LTN1: variants seen among roughly 807,000 people sequenced by gnomAD.
LTN1 encodes E3 ubiquitin-protein ligase listerin.
A neutral mutation model predicts 201.2 loss-of-function variants in LTN1; 88 were observed. That is an observed-to-expected ratio of 0.44 (90% CI 0.37 to 0.52). The LOEUF (loss-of-function observed/expected upper bound fraction) is 0.52. Among genes scored for constraint, LTN1 ranks in the 20% least tolerant of loss-of-function variants. The pLI is 0.00. For missense variants in LTN1, 1,752 were observed against 2,038.7 expected (o/e 0.86, Z 2.71); for synonymous variants, 645 against 713.5 (o/e 0.90, Z 1.53).
chr21:28,975,525 T>C (rs969860055), intron 6 of LTN1, among the ~76,000 whole-genome samples: 1 of 152,234 alleles, frequency 6.6e-6, no homozygotes, highest in Non-Finnish European at 1.5e-5. Flanking sequence ...ATGTCATCTC[T>C]GTTGCAACTA....
chr21:28,945,766 C>T lies in LTN1; in HGVS notation c.3768+41G>A, dbSNP rs571551872. 7.0e-6 allele frequency: 11 copies of T among 1,566,154 alleles called. No homozygotes were observed. In the South Asian group the frequency reaches 7.2e-5, roughly 10 times the overall value. On this transcript the variant is annotated intron_variant, in intron 21 of 29. Transcript: ENST00000361371. ...AATAGTTCTGATGCAAAAGTATGTA[C>T]AAAAACCCACAAGAGGTGATGACAT... is the stretch of plus-strand genomic sequence containing the variant.
chr21:28,945,929 C>T lies in LTN1; in HGVS notation c.3646G>A (p.Glu1216Lys). 6.2e-7 allele frequency: 1 copy of T among 1,611,450 alleles called. No homozygotes were observed. The highest frequency in any genetic ancestry group is 8.5e-7 in the Non-Finnish European group (1 of 1,178,882). The stretch of plus-strand genomic sequence containing the variant: ...ATTTCTATATTTACACCCAGTACCT[C>T]TGGACTTGCTTCTGATAGATTACTG... ...FSCNLSEASP[E>K]VLGVNIEIIR... The change falls in exon 21 of 30, where the codon GAG becomes AAG. Residue 1216 changes from glutamate (E) to lysine (K), a missense_variant. Glu to Lys is a moderately conservative substitution (Grantham distance 56). Around this residue, in one of 3 missense-constraint regions of LTN1, gnomAD observed 1,211 missense variants for 1,312.8 expected, o/e 0.92. Coordinates refer to ENST00000361371, the MANE Select transcript of LTN1 (RefSeq NM_015565.3).
Position 28,986,339 on chromosome 21 carries a change from A to G in LTN1, c.247-102T>C. ...TGTCTATTTTATGTAATAGGAGAAT[A>G]CACTATTTCTCTTTATGCCATATGA... On this transcript the variant is annotated intron_variant, in intron 2 of 29. Transcript: ENST00000361371. This position sits in a 1 kb window ranked among gnomAD's most constrained non-coding sequence, Gnocchi z 4.1. The G allele has an allele frequency of 1.3e-6, 1 of 754,802 alleles. No individual in the cohort carries two copies. The highest frequency in any genetic ancestry group is 2.3e-6 in the Non-Finnish European group (1 of 438,516). The allele number at this position is 754,802 out of a possible 1,614,324, so 46.8% of individuals were successfully genotyped here.
Position 28,945,812 on chromosome 21 carries a change from A to G in LTN1, c.3763T>C (p.Leu1255=), listed in dbSNP as rs77917057. 122,326 of 1,612,414 alleles carry G rather than the reference A, an allele frequency of 0.076. 5,372 individuals carry two copies. Among genetic ancestry groups the G allele is most frequent in the Non-Finnish European group, 0.086 (101,549 of 1,179,008 alleles). ...GACATATCGGGTTAATTTACCTCCA[A>G]CCAAGCCAACATGGAGCACATGATG... ...DFIMCSMLAW[L]ETTSENQALY... Residue 1255 remains leucine (L), a synonymous_variant, in exon 21 of 30, where the codon TTG becomes CTG. Coordinates refer to ENST00000361371, the MANE Select transcript of LTN1 (RefSeq NM_015565.3).
At chr21:28,971,516 G>T in intron 6 of LTN1, 72 bp from the exon 7 acceptor site, 1 of 1,403,632 alleles carries the variant, frequency 7.1e-7, no homozygotes, top group Non-Finnish European at 9.9e-7. Context: ...TATGGTAATA[G>T]TAGATTATTC....
At position 28,928,478 on chromosome 21, in the gene LTN1, C is replaced by A. The variant is rs1294652369; in HGVS notation, c.*1970G>T. 6.6e-6 allele frequency: 1 copy of A among 152,094 alleles called. No homozygotes were observed. The highest frequency in any genetic ancestry group is 1.5e-5 in the Non-Finnish European group (1 of 67,990). 9.4% of individuals were successfully genotyped at this position (152,094 alleles called of 1,614,324 possible). On this transcript the variant is annotated 3_prime_UTR_variant, in exon 30 of 30. Coordinates refer to ENST00000361371, the MANE Select transcript of LTN1 (RefSeq NM_015565.3). The stretch of plus-strand genomic sequence containing the variant: ...AATTAATAATTTTGCTAATCTCATG[C>A]AATTTTAAAATGTCCTTAAGCTAAA...
chr21:28,936,499 AAG>A, intron 26 of LTN1, 25 bp downstream of exon 26: 1 of 1,562,406 alleles, frequency 6.4e-7, no homozygotes, highest in Non-Finnish European at 8.7e-7. Flanking sequence ...GTGTCCAAGA[AAG>A]AACATAAACA....
At chr21:28,962,888 G>C (rs1222948520) in intron 11 of LTN1, among the ~76,000 whole-genome samples, 1 of 152,162 alleles carries the variant, frequency 6.6e-6, no homozygotes, top group Non-Finnish European at 1.5e-5. Flanking sequence ...TGCTGATATG[G>C]ACAAAGTTTT....
In LTN1 at chr21:28,958,590, A is replaced by G; in HGVS notation, c.2594-51T>C. 4 of 1,341,778 alleles carry G rather than the reference A, an allele frequency of 3.0e-6. No individual in the cohort carries two copies. In the South Asian group the frequency reaches 5.5e-5, roughly 18 times the overall value. 83.1% of individuals were successfully genotyped at this position (1,341,778 alleles called of 1,614,324 possible). On this transcript the variant is annotated intron_variant, in intron 13 of 29. Coordinates refer to ENST00000361371, the MANE Select transcript of LTN1 (RefSeq NM_015565.3). Reference sequence around the variant, plus strand: ...TTGTAATCTCACTGAATTAACTCTCATCAGCACAAAATGTTTGAAACAACT... The same window carrying G: ...TTGTAATCTCACTGAATTAACTCTCGTCAGCACAAAATGTTTGAAACAACT...
intron 11 of LTN1, among the ~76,000 whole-genome samples, chr21:28,965,278 G>A (rs1006407686): frequency 1.3e-5 from 2 of 152,318 alleles, no homozygotes; most frequent in East Asian, 3.9e-4. Flanking sequence ...CATCTCTACA[G>A]TTGGAAAAGT....
chr21:28,959,917 G>A lies in LTN1; in HGVS notation c.2354-220C>T, dbSNP rs898496438. 11 of 283,040 alleles carry A rather than the reference G, an allele frequency of 3.9e-5. No individual in the cohort carries two copies. The African/African-American group carries it at 9.6e-4, about 25-fold the overall frequency. The allele number at this position is 283,040 out of a possible 1,614,324, so 17.5% of individuals were successfully genotyped here. ...GAAAACAGAAATGGTCTACAGTTAG[G>A]GTGAGCAAGTTTGTACACTGAAAAC... On this transcript the variant is annotated intron_variant, in intron 12 of 29. Coordinates refer to ENST00000361371, the MANE Select transcript of LTN1 (RefSeq NM_015565.3).
chr21:28,941,265 G>C lies in LTN1; in HGVS notation c.4437C>G (p.Leu1479=). ...EDFCYVLGYL[L]TWKLILTFFK... is the part of the protein sequence containing the mutation. ...AGAAAGTTAGTATTAATTTCCAAGT[G>C]AGAAGGTATCCCAGAACATAACAGA... is the stretch of plus-strand genomic sequence containing the variant. Residue 1479 remains leucine (L), a synonymous_variant, in exon 25 of 30, where the codon CTC becomes CTG. Coordinates refer to ENST00000361371, the MANE Select transcript of LTN1 (RefSeq NM_015565.3). 1.2e-6 allele frequency: 2 copies of C among 1,612,118 alleles called. No homozygotes were observed. Among genetic ancestry groups the C allele is most frequent in the Non-Finnish European group, 1.7e-6 (2 of 1,179,368 alleles).
Position 28,966,675 on chromosome 21 carries a change from T to A in LTN1, c.1816A>T (p.Asn606Tyr), listed in dbSNP as rs1299815026. Residue 606 changes from asparagine (N) to tyrosine (Y), a missense_variant, in exon 10 of 30, where the codon AAT (asparagine) becomes TAT (tyrosine). Coordinates refer to ENST00000361371, the MANE Select transcript of LTN1 (RefSeq NM_015565.3). ...KLADISINYV[N>Y]ERKSEQHLRF... ...AGATGTTGCTCTGACTTTCGTTCAT[T>A]GACATAATTAATACTTATATCTGCG... 6.2e-7 allele frequency: 1 copy of A among 1,613,944 alleles called. No individual in the cohort carries two copies. Among genetic ancestry groups the A allele is most frequent in the Non-Finnish European group, 8.5e-7 (1 of 1,180,018 alleles).
intron 6 of LTN1, among the ~76,000 whole-genome samples, chr21:28,971,893 G>A (rs2084577998): frequency 6.6e-6 from 1 of 152,128 alleles, no homozygotes; most frequent in African/African-American, 2.4e-5. Context: ...AAGGATCCTG[G>A]AAAAAGCAGA....
Position 28,957,470 on chromosome 21 carries a change from T to C in LTN1, c.2754A>G (p.Gln918=), listed in dbSNP as rs753735466. The C allele has an allele frequency of 2.6e-6, 4 of 1,557,660 alleles. No individual in the cohort carries two copies. Among genetic ancestry groups the C allele is most frequent in the African/African-American group, 1.4e-5 (1 of 72,188 alleles). ...AATCATCAACAGCAGACAAGAGGAC[T>C]TGGAGACTAAAAATAATGCAGAGAA... The part of the protein sequence containing the change: ...QASSLDINSL[Q]VLLSAVDDLL... Residue 918 remains glutamine (Q), a synonymous_variant, in exon 15 of 30, where the codon CAA becomes CAG. Coordinates refer to ENST00000361371, the MANE Select transcript of LTN1 (RefSeq NM_015565.3).
At chr21:28,957,251 C>T in intron 15 of LTN1, 81 bp downstream of exon 15, 1 of 1,311,392 alleles carries the variant, frequency 7.6e-7, no homozygotes, top group Non-Finnish European at 1.0e-6. Flanking sequence ...TTATGTTTTT[C>T]TTCCCCAAAA....
At position 28,953,225 on chromosome 21, in the gene LTN1, T is replaced by A. The variant is rs2084397130; in HGVS notation, c.3231A>T (p.Leu1077Phe). 6.4e-7 allele frequency: 1 copy of A among 1,567,194 alleles called. No homozygotes were observed. Among genetic ancestry groups the A allele is most frequent in the African/African-American group, 1.4e-5 (1 of 72,402 alleles). The change falls in exon 17 of 30, where the codon TTA becomes TTT. Residue 1077 changes from leucine (L) to phenylalanine (F), a missense_variant. By Grantham distance (22) the Leu-to-Phe change is conservative (BLOSUM62 0). Around this residue, in one of 3 missense-constraint regions of LTN1, gnomAD observed 1,211 missense variants for 1,312.8 expected, o/e 0.92. Transcript: ENST00000361371. ...TTGAAAGAGATTCTTACCTGTTAAA[T>A]AACAGCTGCAAAAGGCCCGACGTAT... ...LGNTSGLLQL[L>F]FNRSREHGTL... is the part of the protein sequence containing the mutation.
intron 24 of LTN1, 111 bp downstream of exon 24, chr21:28,943,151 G>T: frequency 3.6e-6 from 2 of 560,156 alleles, no homozygotes; most frequent in Non-Finnish European, 6.3e-6. Context: ...AGATCTATCT[G>T]TAGAATGAAT....
chr21:28,981,823 A>C (rs2084660822), intron 5 of LTN1, among the ~76,000 whole-genome samples: 1 of 152,262 alleles, frequency 6.6e-6, no homozygotes, highest in Non-Finnish European at 1.5e-5. Flanking sequence ...TTCAAGTTAA[A>C]TAGCAGGACA....
Sources: allele counts gnomAD v4.1 joint callset (sites outside exome capture counted in the v4.1 genomes callset), GRCh38; gene constraint gnomAD v4.1.1; regional missense constraint gnomAD v4.1.1; non-coding constraint Gnocchi (gnomAD v3.1); transcripts MANE v1.5; gene names NCBI Gene and HGNC (gene_info 2026-07-23, HGNC 2026-07-21).